ADAMTS17: variants seen among roughly 807,000 people sequenced by gnomAD.
The protein encoded by ADAMTS17 is ADAM metallopeptidase with thrombospondin type 1 motif 17.
In ADAMTS17, 113 loss-of-function variants were observed where a neutral mutation model predicts 141.5. The ratio of observed to expected loss-of-function variants is 0.80; its 90% confidence interval spans 0.69 to 0.93. The LOEUF (loss-of-function observed/expected upper bound fraction) is 0.93, where lower values mean the gene tolerates loss of function less well. Among genes scored for constraint, ADAMTS17 ranks in the 40% least tolerant of loss-of-function variants. ADAMTS17 has a pLI of 0.00. For synonymous variants in ADAMTS17, 768 were observed against 630.6 expected (o/e 1.22, Z -3.27); for missense variants, 1,659 against 1,517.9 (o/e 1.09, Z -1.54).
In ADAMTS17 at chr15:100,034,704, A is replaced by G. The variant is rs369968344; in HGVS notation, c.2591+14153T>C. On this transcript the variant is annotated intron_variant, in intron 18 of 21. Coordinates refer to ENST00000268070, the MANE Select transcript of ADAMTS17 (RefSeq NM_139057.4). Reference sequence around the variant, plus strand: ...GTCCCTCTCGGAAAATGTCCCAAACAGAACTGGAGAAAGGGCCACTGGTGG... The same window carrying G: ...GTCCCTCTCGGAAAATGTCCCAAACGGAACTGGAGAAAGGGCCACTGGTGG... 3.9e-5 allele frequency among the ~76,000 whole-genome samples: 6 copies of G among 152,320 alleles called. No homozygotes were observed. In the East Asian group the frequency reaches 1.2e-3, roughly 29 times the overall value.
At chr15:100,166,271 T>C (rs56197244) in intron 8 of ADAMTS17, among the ~76,000 whole-genome samples, 3,191 of 152,344 alleles carry the variant, frequency 0.021, 134 homozygotes, top group East Asian at 0.18. Context: ...ATGTTGGTCT[T>C]ATGATACAAT....
At chr15:100,159,371 T>G (rs1007115941) in intron 8 of ADAMTS17, among the ~76,000 whole-genome samples, 1 of 152,274 alleles carries the variant, frequency 6.6e-6, no homozygotes, top group Non-Finnish European at 1.5e-5. Flanking sequence ...TATTTTCTTC[T>G]ACCTGGTAGC....
chr15:100,243,144 G>C (rs1567416524), intron 7 of ADAMTS17, among the ~76,000 whole-genome samples: 1 of 152,146 alleles, frequency 6.6e-6, no homozygotes, highest in Non-Finnish European at 1.5e-5. Flanking sequence ...CCATATTATA[G>C]CATGTGTCAC....
At position 100,323,084 on chromosome 15, in the gene ADAMTS17, CAAAAAAAAAAAA is replaced by C. The variant is rs60468549; in HGVS notation, c.616+7793_616+7804del. Among the ~76,000 whole-genome samples the C allele has an allele frequency of 6.5e-5, 7 of 107,466 alleles. No homozygotes were observed. The South Asian group carries it at 2.1e-3, about 33-fold the overall frequency. 70.5% of individuals were successfully genotyped at this position (107,466 alleles called of 152,430 possible). A position where few individuals can be genotyped will look rare whatever the true frequency, so the allele number is the denominator to read the frequency against. On this transcript the variant is annotated intron_variant, in intron 3 of 21. Transcript: ENST00000268070. ...CCCGGGAGACAGCGAGACTCCGTCTCAAAAAAAAAAAAAAAAAAAAGAATTATAAATCATGTT... is the reference window on the plus strand; with the variant it reads ...CCCGGGAGACAGCGAGACTCCGTCTCAAAAAAAAGAATTATAAATCATGTT...
At chr15:100,312,756 G>A (rs1256000781) in intron 3 of ADAMTS17, among the ~76,000 whole-genome samples, 1 of 152,134 alleles carries the variant, frequency 6.6e-6, no homozygotes, top group East Asian at 1.9e-4. Context: ...AGATTTTCAA[G>A]AGCAGTACAA....
chr15:100,306,805 AC>A (rs1183418359), intron 3 of ADAMTS17, among the ~76,000 whole-genome samples: 2 of 151,968 alleles, frequency 1.3e-5, no homozygotes, highest in African/African-American at 4.8e-5. Flanking sequence ...GGGATGCAGC[AC>A]CCCCTTGAAA....
chr15:100,309,335 G>A (rs914294530), intron 3 of ADAMTS17, among the ~76,000 whole-genome samples: 1 of 152,214 alleles, frequency 6.6e-6, no homozygotes, highest in Non-Finnish European at 1.5e-5. Context: ...CTCCAGACTG[G>A]GTGACAGGGC....
chr15:100,306,730 G>A (rs1201957271), intron 3 of ADAMTS17, among the ~76,000 whole-genome samples: 1 of 150,568 alleles, frequency 6.6e-6, no homozygotes, highest in Non-Finnish European at 1.5e-5. Context: ...TAACTTGTTC[G>A]TTTCTCCCAT....
chr15:100,105,418 G>A (rs1376391410), intron 14 of ADAMTS17, among the ~76,000 whole-genome samples: 1 of 152,208 alleles, frequency 6.6e-6, no homozygotes, highest in Admixed American at 6.5e-5. Flanking sequence ...TGGAGGCACT[G>A]GAAATAGACA....
At chr15:100,177,243 T>C (rs950179694) in intron 8 of ADAMTS17, among the ~76,000 whole-genome samples, 1 of 152,254 alleles carries the variant, frequency 6.6e-6, no homozygotes, top group Non-Finnish European at 1.5e-5. Flanking sequence ...TTAGCAATTA[T>C]TCATTCGCAA....
At chr15:100,226,286 G>A (rs1360050318) in intron 7 of ADAMTS17, among the ~76,000 whole-genome samples, 1 of 152,228 alleles carries the variant, frequency 6.6e-6, no homozygotes, top group Admixed American at 6.5e-5. Context: ...TGGGTCCTTG[G>A]AGTTCCCAGG....
At chr15:99,984,454 G>A (rs1333111306) in intron 20 of ADAMTS17, among the ~76,000 whole-genome samples, 2 of 152,182 alleles carry the variant, frequency 1.3e-5, no homozygotes, top group South Asian at 2.1e-4. Flanking sequence ...ACTGTTCTTC[G>A]AACACGTGAA....
chr15:100,174,486 G>A (rs775141663), intron 8 of ADAMTS17, among the ~76,000 whole-genome samples: 1 of 152,184 alleles, frequency 6.6e-6, no homozygotes, highest in Non-Finnish European at 1.5e-5. Flanking sequence ...GCTCGTTTTT[G>A]AAATTTCCAT....
chr15:100,182,138 A>C lies in ADAMTS17; in HGVS notation c.1181+17180T>G, dbSNP rs111397914. Among the ~76,000 whole-genome samples the C allele has an allele frequency of 9.2e-3, 1,395 of 152,326 alleles. 24 individuals carry two copies. The highest frequency in any genetic ancestry group is 0.031 in the African/African-American group (1,281 of 41,570). On this transcript the variant is annotated intron_variant, in intron 8 of 21. Coordinates refer to ENST00000268070, the MANE Select transcript of ADAMTS17 (RefSeq NM_139057.4). ...CCCGAGTCTGGGTAATTTATAAAGG[A>C]AAGAGATTTAACATGTGGACTCACA...
intron 3 of ADAMTS17, among the ~76,000 whole-genome samples, chr15:100,328,858 G>GT (rs1320202312): frequency 6.6e-6 from 1 of 152,156 alleles, no homozygotes; most frequent in Non-Finnish European, 1.5e-5. Flanking sequence ...GAACGGTGGC[G>GT]TGAGCAGAGA....
At chr15:100,077,906 T>C (rs778333815) in intron 15 of ADAMTS17, among the ~76,000 whole-genome samples, 4 of 152,328 alleles carry the variant, frequency 2.6e-5, no homozygotes, top group African/African-American at 7.2e-5. Context: ...TTCAGTAAGA[T>C]TGCAGGATAC....
chr15:99,980,392 TTTCTC>T, intron 20 of ADAMTS17: 2 of 152,334 alleles, frequency 1.3e-5, no homozygotes, highest in South Asian at 4.1e-4. Flanking sequence ...CAACATCCCT[TTTCTC>T]TTCAGATCTT....
chr15:100,133,250 G>A lies in ADAMTS17; in HGVS notation c.1539C>T (p.Asp513=), dbSNP rs766600777. The A allele has an allele frequency of 1.3e-6, 2 of 1,599,508 alleles. No homozygotes were observed. The highest frequency in any genetic ancestry group is 1.7e-6 in the Non-Finnish European group (2 of 1,171,872). ...CACACTCGGTGCCATCCAGGGGAGG[G>A]TCCAGCTTGGTCTTGCAGGATGTGT... The part of the protein sequence containing the change: ...EGDTSCKTKL[D]PPLDGTECGA... Residue 513 remains aspartate, a synonymous_variant, in exon 11 of 22, where the codon GAC becomes GAT. Coordinates refer to ENST00000268070, the MANE Select transcript of ADAMTS17 (RefSeq NM_139057.4).
rs536235042 is a variant in ADAMTS17 at position 100,135,892 on chromosome 15, C to G, written c.1474-2577G>C. Among the ~76,000 whole-genome samples the G allele has an allele frequency of 2.0e-5, 3 of 152,304 alleles. No individual in the cohort carries two copies. The South Asian group carries it at 6.2e-4, about 32-fold the overall frequency. ...CATTAGATTAGATACCTTGACACAG[C>G]AGCCAGAATGGGTAGAATGAAGAAG... On this transcript the variant is annotated intron_variant, in intron 10 of 21. Coordinates refer to ENST00000268070, the MANE Select transcript of ADAMTS17 (RefSeq NM_139057.4).
Sources: allele counts gnomAD v4.1 joint callset (sites outside exome capture counted in the v4.1 genomes callset), GRCh38; gene constraint gnomAD v4.1.1; transcripts MANE v1.5; gene names NCBI Gene and HGNC (gene_info 2026-07-23, HGNC 2026-07-21).